Variants in PPP1R1C observed in about 807,000 individuals in gnomAD.
The protein encoded by PPP1R1C is protein phosphatase 1 regulatory subunit 1C.
In PPP1R1C, 15 loss-of-function variants were observed where a neutral mutation model predicts 17.4. That is an observed-to-expected ratio of 0.86 (90% confidence interval 0.58 to 1.33). The LOEUF is 1.33. Ranked by LOEUF, PPP1R1C falls within the 40% of genes most tolerant of loss-of-function variation. The pLI is 0.00. For missense variants in PPP1R1C, 143 were observed against 130.0 expected (o/e 1.10, Z -0.48); for synonymous variants, 35 against 43.1 (o/e 0.81, Z 0.73).
At chr2:182,082,565 A>G (rs7603587) in intron 4 of PPP1R1C, among the ~76,000 whole-genome samples, 83,789 of 151,880 alleles carry the variant, frequency 0.55, 23,619 homozygotes, top group Non-Finnish European at 0.61. Flanking sequence ...TGTCACTTGC[A>G]TTTGTTTACT....
intron 2 of PPP1R1C, among the ~76,000 whole-genome samples, chr2:182,035,259 T>A (rs138347695): frequency 6.6e-6 from 1 of 152,346 alleles, no homozygotes; most frequent in East Asian, 1.9e-4. Context: ...TGGTTGTTAT[T>A]ATACAAAGCT....
intron 2 of PPP1R1C, among the ~76,000 whole-genome samples, chr2:182,019,339 A>G (rs1329134364): frequency 2.6e-5 from 4 of 152,122 alleles, no homozygotes; most frequent in African/African-American, 9.7e-5. Flanking sequence ...TATTTTTGCC[A>G]TCCCTTGGGT....
chr2:182,001,826 C>T (rs1452819698), intron 2 of PPP1R1C, among the ~76,000 whole-genome samples: 2 of 152,048 alleles, frequency 1.3e-5, no homozygotes, highest in Admixed American at 6.6e-5. Context: ...AATGATTGTA[C>T]GAGAAATCAC....
chr2:182,096,183 G>A (rs1224725982), intron 4 of PPP1R1C, among the ~76,000 whole-genome samples: 1 of 152,082 alleles, frequency 6.6e-6, no homozygotes, highest in Non-Finnish European at 1.5e-5. Context: ...AACATAATTG[G>A]ACAAAAAGGG....
At chr2:181,968,941 A>G (rs1684954858) in intron 1 of PPP1R1C, among the ~76,000 whole-genome samples, 1 of 152,164 alleles carries the variant, frequency 6.6e-6, no homozygotes, top group Admixed American at 6.5e-5. Context: ...TGATGGATTC[A>G]TAATGATTAC....
chr2:182,045,982 G>C (rs930921658), intron 2 of PPP1R1C, among the ~76,000 whole-genome samples: 1 of 151,878 alleles, frequency 6.6e-6, no homozygotes. Flanking sequence ...ATGATGTTTT[G>C]ATATACTTAC....
chr2:182,096,880 T>C (rs2125225091), intron 4 of PPP1R1C, among the ~76,000 whole-genome samples: 1 of 152,364 alleles, frequency 6.6e-6, no homozygotes, highest in South Asian at 2.1e-4. Flanking sequence ...CAAGTTCTTC[T>C]AACTTCCATG....
intron 5 of PPP1R1C, among the ~76,000 whole-genome samples, chr2:182,127,649 A>T (rs1689907622): frequency 6.6e-6 from 1 of 151,836 alleles, no homozygotes; most frequent in Non-Finnish European, 1.5e-5. Flanking sequence ...TTTTTTAGAA[A>T]TCTTGAACTA....
downstream of PPP1R1C, among the ~76,000 whole-genome samples, chr2:182,121,706 AT>A (rs1329258608): frequency 1.3e-5 from 2 of 151,692 alleles, no homozygotes. Flanking sequence ...GTTTCGCCAT[AT>A]TGTCCAGGAT....
intron 4 of PPP1R1C, among the ~76,000 whole-genome samples, chr2:182,105,371 A>T (rs1052202052): frequency 1.3e-5 from 2 of 152,208 alleles, no homozygotes; most frequent in African/African-American, 4.8e-5. Context: ...ATCCGTCAGC[A>T]TAGTTTTAGG....
At chr2:182,082,291 G>A (rs149473832) in intron 4 of PPP1R1C, among the ~76,000 whole-genome samples, 1 of 152,178 alleles carries the variant, frequency 6.6e-6, no homozygotes, top group African/African-American at 2.4e-5. Flanking sequence ...GGTAAACAGA[G>A]GGGATGCATT....
At chr2:182,018,251 ATCTCTGAT>A (rs556833422) in intron 2 of PPP1R1C, among the ~76,000 whole-genome samples, 125 of 152,324 alleles carry the variant, frequency 8.2e-4, no homozygotes, top group African/African-American at 2.9e-3. Flanking sequence ...GATAAACCAG[ATCTCTGAT>A]TAGCGAGCTT....
chr2:181,989,471 ACT>A (rs1326905168), intron 2 of PPP1R1C, among the ~76,000 whole-genome samples: 1 of 152,198 alleles, frequency 6.6e-6, no homozygotes, highest in Non-Finnish European at 1.5e-5. Context: ...TTCCACTGGC[ACT>A]GGCTTTGAAA....
intron 2 of PPP1R1C, among the ~76,000 whole-genome samples, chr2:182,030,329 C>T (rs1686778846): frequency 6.6e-6 from 1 of 152,022 alleles, no homozygotes. Context: ...CTGTTTTTTC[C>T]CCATCTTTGT....
chr2:182,120,298 G>A (rs865991336), downstream of PPP1R1C, among the ~76,000 whole-genome samples: 14 of 152,204 alleles, frequency 9.2e-5, no homozygotes, highest in Middle Eastern at 3.4e-3. Flanking sequence ...TGCTGTTTTG[G>A]TTACTGTAGC....
At chr2:182,088,355 C>A (rs1434936716) in intron 4 of PPP1R1C, among the ~76,000 whole-genome samples, 2 of 152,174 alleles carry the variant, frequency 1.3e-5, no homozygotes, top group African/African-American at 4.8e-5. Flanking sequence ...ACAAATACTT[C>A]TAACATGTTC....
chr2:182,093,021 C>A (rs1178750502), intron 4 of PPP1R1C, among the ~76,000 whole-genome samples: 1 of 152,206 alleles, frequency 6.6e-6, no homozygotes, highest in Non-Finnish European at 1.5e-5. Context: ...GGGGCTTTGA[C>A]CCCACATTTC....
At position 182,045,680 on chromosome 2, in the gene PPP1R1C, A is replaced by G. The variant is rs373428654; in HGVS notation, c.143-15762A>G. 4.6e-5 allele frequency among the ~76,000 whole-genome samples: 7 copies of G among 152,190 alleles called. No individual in the cohort carries two copies. In the East Asian group the frequency reaches 1.2e-3, roughly 25 times the overall value. ...TATTTTTATAATGGTTGGTTTACTC[A>G]TAATAGTGATACTCAGATACAATTA... is the stretch of plus-strand genomic sequence containing the variant. On this transcript the variant is annotated intron_variant, in intron 2 of 4. Transcript: ENST00000682840.
chr2:182,021,201 G>T (rs139652632), intron 2 of PPP1R1C, among the ~76,000 whole-genome samples: 1 of 151,960 alleles, frequency 6.6e-6, no homozygotes, highest in Non-Finnish European at 1.5e-5. Flanking sequence ...GTGGTAGAAA[G>T]AGTCCTTAAT....
Sources: allele counts gnomAD v4.1 joint callset (sites outside exome capture counted in the v4.1 genomes callset), GRCh38; gene constraint gnomAD v4.1.1; transcripts MANE v1.5; gene names NCBI Gene and HGNC (gene_info 2026-07-23, HGNC 2026-07-21).